MAP3K2: variants seen among roughly 807,000 people sequenced by gnomAD.
MAP3K2 encodes MAP/ERK kinase kinase 2.
In MAP3K2, 24 loss-of-function variants were observed where a neutral mutation model predicts 80.3. The ratio of observed to expected loss-of-function variants is 0.30; its 90% CI spans 0.22 to 0.42. The LOEUF is 0.42. Ranked by LOEUF, MAP3K2 falls within the 10% of genes least tolerant of loss-of-function variation. The pLI is 1.00. For missense variants in MAP3K2, 608 were observed against 750.1 expected, an observed-to-expected ratio of 0.81 and a Z score of 2.21; for synonymous variants, 244 against 253.7, an observed-to-expected ratio of 0.96 and a Z score of 0.36.
In MAP3K2 at chr2:127,307,065, T is replaced by C. The variant is rs1408896134; in HGVS notation, c.*514A>G. 1 of 152,626 alleles carries C rather than the reference T, an allele frequency of 6.6e-6. No individual in the cohort carries two copies. The highest frequency in any genetic ancestry group is 1.5e-5 in the Non-Finnish European group (1 of 68,082). 9.5% of individuals were successfully genotyped at this position (152,626 alleles called of 1,614,324 possible). A position where few individuals can be genotyped will look rare whatever the true frequency, so the allele number is the denominator to read the frequency against. Reference sequence around the variant, plus strand: ...GGTTAGGATCTAAAGAATACAGATATAAGAAGAAACCTATATTCTTTAAGT... The same window carrying C: ...GGTTAGGATCTAAAGAATACAGATACAAGAAGAAACCTATATTCTTTAAGT... On this transcript the variant is annotated 3_prime_UTR_variant, in exon 17 of 17. Coordinates refer to ENST00000682094, the MANE Select transcript of MAP3K2 (RefSeq NM_001371910.2). The surrounding 1 kb of genome is among the most constrained non-coding windows in gnomAD (Gnocchi z 5.4).
intron 1 of MAP3K2, among the ~76,000 whole-genome samples, chr2:127,348,682 CTG>C (rs1209874797): frequency 6.6e-6 from 1 of 151,878 alleles, no homozygotes; most frequent in Non-Finnish European, 1.5e-5. Context: ...TTGCACAACT[CTG>C]TGAATAAATG....
Position 127,387,349 on chromosome 2 carries a change from G to A in MAP3K2, c.-66+103C>T, listed in dbSNP as rs150512155. On this transcript the variant is annotated intron_variant, in intron 1 of 16. Coordinates refer to ENST00000682094, the MANE Select transcript of MAP3K2 (RefSeq NM_001371910.2). ...CCCCTGGAGCGGCGCTTAGGCCGCC[G>A]CCAGCCCCCCTCCCGGCGCCCAGCC... 377 of 355,898 alleles carry A rather than the reference G, an allele frequency of 1.1e-3. 1 individual carries two copies. Among genetic ancestry groups the A allele is most frequent in the African/African-American group, 8.1e-3 (341 of 42,112 alleles). The allele number at this position is 355,898 out of a possible 1,614,324, so 22.0% of individuals were successfully genotyped here. A position where few individuals can be genotyped will look rare whatever the true frequency, so the allele number is the denominator to read the frequency against.
intron 9 of MAP3K2, among the ~76,000 whole-genome samples, chr2:127,324,616 T>G (rs754652063): frequency 4.6e-5 from 7 of 151,940 alleles, no homozygotes; most frequent in Non-Finnish European, 8.8e-5. Flanking sequence ...GTATCCAGGA[T>G]AGTGTTTTGC....
rs1686400548 is a variant in MAP3K2 at position 127,337,725 on chromosome 2, TTTCC to T, written c.164+9_164+12del. 1 of 1,447,590 alleles carries T rather than the reference TTTCC, an allele frequency of 6.9e-7. No homozygotes were observed. The allele number at this position is 1,447,590 out of a possible 1,614,324, so 89.7% of individuals were successfully genotyped here. A position where few individuals can be genotyped will look rare whatever the true frequency, so the allele number is the denominator to read the frequency against. Reference sequence around the variant, plus strand: ...TAAATCAATTAATTAACATGTAATGTTTCCTTCCTTACCTTTTTTCTCCTCTATG... The same window carrying T: ...TAAATCAATTAATTAACATGTAATGTTTCCTTACCTTTTTTCTCCTCTATG... On this transcript the variant is annotated intron_variant, in intron 4 of 16. Transcript: ENST00000682094.
chr2:127,369,879 G>A (rs1687033021), intron 1 of MAP3K2, among the ~76,000 whole-genome samples: 2 of 152,160 alleles, frequency 1.3e-5, no homozygotes, highest in African/African-American at 4.8e-5. Flanking sequence ...GTTCCGTGTA[G>A]GAGATCAGTC....
Position 127,304,244 on chromosome 2 carries a change from T to G in MAP3K2, c.*3335A>C, listed in dbSNP as rs1382143860. 6.6e-6 allele frequency: 1 copy of G among 152,128 alleles called. No individual in the cohort carries two copies. The highest frequency in any genetic ancestry group is 1.5e-5 in the Non-Finnish European group (1 of 68,010). 9.4% of individuals were successfully genotyped at this position (152,128 alleles called of 1,614,324 possible). On this transcript the variant is annotated 3_prime_UTR_variant, in exon 17 of 17. Coordinates refer to ENST00000682094, the MANE Select transcript of MAP3K2 (RefSeq NM_001371910.2). ...TGTAAACAAGGAAAAGTGCTGAAAA[T>G]TTTCAAGATATTCATACTGAAATTT...
chr2:127,319,940 C>T (rs563580533), intron 12 of MAP3K2, among the ~76,000 whole-genome samples: 2 of 151,870 alleles, frequency 1.3e-5, no homozygotes, highest in African/African-American at 4.8e-5. Flanking sequence ...GTCAGTGGTG[C>T]ACAGAGACCA....
chr2:127,323,664 G>A (rs1450890901), intron 11 of MAP3K2, among the ~76,000 whole-genome samples: 7 of 152,172 alleles, frequency 4.6e-5, no homozygotes, highest in South Asian at 2.1e-4. Flanking sequence ...CAGCACTCCC[G>A]CCTGGGCAAC....
intron 1 of MAP3K2, among the ~76,000 whole-genome samples, chr2:127,377,573 C>A (rs1309731481): frequency 6.6e-6 from 1 of 152,052 alleles, no homozygotes; most frequent in Non-Finnish European, 1.5e-5. Context: ...AAGAGCCACA[C>A]AAAATCCCAA....
intron 1 of MAP3K2, among the ~76,000 whole-genome samples, chr2:127,368,765 T>C (rs541062144): frequency 7.9e-5 from 12 of 152,270 alleles, no homozygotes; most frequent in African/African-American, 2.9e-4. Flanking sequence ...TATAAGTTAT[T>C]TTTTAAATTT....
chr2:127,318,040 G>T, intron 13 of MAP3K2, 129 bp downstream of exon 13: 3 of 774,018 alleles, frequency 3.9e-6, no homozygotes, highest in Non-Finnish European at 5.5e-6. Context: ...TTATACTAAA[G>T]AAAACTGCTT....
chr2:127,349,594 T>C (rs1233497985), intron 1 of MAP3K2, among the ~76,000 whole-genome samples: 1 of 152,108 alleles, frequency 6.6e-6, no homozygotes, highest in East Asian at 1.9e-4. Flanking sequence ...AAACATCTAG[T>C]CTAAACATCT....
rs1039064979 is a variant in MAP3K2 at position 127,303,798 on chromosome 2, G to A, written c.*3781C>T. On this transcript the variant is annotated 3_prime_UTR_variant, in exon 17 of 17. Coordinates refer to ENST00000682094, the MANE Select transcript of MAP3K2 (RefSeq NM_001371910.2). ...TTTTATATCAAGCTATCAGTTCCCA[G>A]ACTCCAAATAAAATCACTGGCACAG... 1 of 152,104 alleles carries A rather than the reference G, an allele frequency of 6.6e-6. No individual in the cohort carries two copies. Among genetic ancestry groups the A allele is most frequent in the Non-Finnish European group, 1.5e-5 (1 of 67,990 alleles). The allele number at this position is 152,104 out of a possible 1,614,324, so 9.4% of individuals were successfully genotyped here. A position where few individuals can be genotyped will look rare whatever the true frequency, so the allele number is the denominator to read the frequency against.
chr2:127,360,226 T>A (rs1686860500), intron 1 of MAP3K2, among the ~76,000 whole-genome samples: 1 of 152,160 alleles, frequency 6.6e-6, no homozygotes, highest in African/African-American at 2.4e-5. Flanking sequence ...ATAATACGGA[T>A]GAATCTCAAT....
At chr2:127,378,243 T>C (rs1299001366) in intron 1 of MAP3K2, 1 of 550,406 alleles carries the variant, frequency 1.8e-6, no homozygotes, top group Non-Finnish European at 2.3e-6. Context: ...ACAAAACTGG[T>C]ACATTATTAT....
intron 14 of MAP3K2, among the ~76,000 whole-genome samples, chr2:127,315,311 T>C (rs1233061083): frequency 6.6e-6 from 1 of 152,210 alleles, no homozygotes; most frequent in Non-Finnish European, 1.5e-5. Context: ...GTTTGATTAA[T>C]AATCCCTTTA....
At chr2:127,374,662 G>C (rs1687119863) in intron 1 of MAP3K2, among the ~76,000 whole-genome samples, 1 of 152,198 alleles carries the variant, frequency 6.6e-6, no homozygotes, top group South Asian at 2.1e-4. Context: ...TGTATCCATT[G>C]ATACCAATTC....
chr2:127,328,761 T>C (rs1039620559), intron 7 of MAP3K2, among the ~76,000 whole-genome samples: 1 of 152,162 alleles, frequency 6.6e-6, no homozygotes, highest in Non-Finnish European at 1.5e-5. Context: ...ATGAATAATG[T>C]CTATTTTTTT....
chr2:127,355,168 G>C (rs1686775733), intron 1 of MAP3K2, among the ~76,000 whole-genome samples: 1 of 152,018 alleles, frequency 6.6e-6, no homozygotes, highest in African/African-American at 2.4e-5. Flanking sequence ...GAATTTGACA[G>C]AAACTATAAA....
Sources: allele counts gnomAD v4.1 joint callset (sites outside exome capture counted in the v4.1 genomes callset), GRCh38; gene constraint gnomAD v4.1.1; non-coding constraint Gnocchi (gnomAD v3.1); transcripts MANE v1.5; gene names NCBI Gene and HGNC (gene_info 2026-07-23, HGNC 2026-07-21).